The following FAM135B variants were observed in gnomAD, a reference collection of about 807,000 sequenced individuals.
The protein encoded by FAM135B is family with sequence similarity 135 member B.
FAM135B carries 43 observed loss-of-function variants against 127.7 expected under a neutral mutation model. That is an observed-to-expected ratio of 0.34 (90% CI 0.26 to 0.43). The LOEUF (loss-of-function observed/expected upper bound fraction) is 0.43. FAM135B is among the 20% of genes least tolerant of loss of function. The pLI, the probability that FAM135B is intolerant of heterozygous loss-of-function variation, is 1.00. For missense variants in FAM135B, 1,558 were observed against 1,725.6 expected, an observed-to-expected ratio of 0.90 and a Z score of 1.72; for synonymous variants, 670 against 665.1, an observed-to-expected ratio of 1.01 and a Z score of -0.11.
intron 11 of FAM135B, among the ~76,000 whole-genome samples, chr8:138,173,398 TGA>T (rs571551466): frequency 7.5e-4 from 114 of 152,318 alleles, no homozygotes; most frequent in African/African-American, 2.3e-3. Context: ...AAGGAGGTTA[TGA>T]GTGTGGCCTC....
chr8:138,368,028 G>A (rs779418900), intron 1 of FAM135B, 26 bp from the exon 2 acceptor site: 1 of 1,534,786 alleles, frequency 6.5e-7, no homozygotes, highest in Non-Finnish European at 9.0e-7. Context: ...GAAATTAACA[G>A]TTTGAGATCA....
intron 1 of FAM135B, among the ~76,000 whole-genome samples, chr8:138,449,561 A>G (rs7018090): frequency 1 from 152,304 of 152,304 alleles, 76,152 homozygotes; most frequent in Non-Finnish European, 1. Flanking sequence ...CCACCACTCA[A>G]GGCCAAGACC....
intron 1 of FAM135B, among the ~76,000 whole-genome samples, chr8:138,463,226 T>C (rs541625624): frequency 1.3e-5 from 2 of 152,336 alleles, no homozygotes; most frequent in South Asian, 4.1e-4. Flanking sequence ...ATGGTAAGTA[T>C]CTTCAAATTC....
rs930962088 is a variant in FAM135B, at chr8:138,318,723, T to C, written c.78-7803A>G. On this transcript the variant is annotated intron_variant, in intron 2 of 19. Coordinates refer to ENST00000395297, the MANE Select transcript of FAM135B (RefSeq NM_015912.4). ...TGGCTGATTCCAAAGTGCTTTTGAA[T>C]TGTTTCTTAAAAGCCCTTGATGCTA... 6.6e-5 allele frequency among the ~76,000 whole-genome samples: 10 copies of C among 152,340 alleles called. No homozygotes were observed. In the South Asian group the frequency reaches 2.1e-3, roughly 32 times the overall value.
intron 3 of FAM135B, among the ~76,000 whole-genome samples, chr8:138,269,156 T>TC (rs926075313): frequency 8.1e-4 from 124 of 152,230 alleles, no homozygotes; most frequent in African/African-American, 2.9e-3. Flanking sequence ...TTTCTTCTTC[T>TC]CCCCCCACAA....
chr8:138,185,621 C>T (rs1364716366), intron 9 of FAM135B, among the ~76,000 whole-genome samples: 1 of 152,198 alleles, frequency 6.6e-6, no homozygotes, highest in African/African-American at 2.4e-5. Context: ...CTGTACTTAT[C>T]ATTAGTAGTC....
intron 1 of FAM135B, among the ~76,000 whole-genome samples, chr8:138,435,699 T>TA (rs1018439175): frequency 2.0e-5 from 3 of 152,072 alleles, no homozygotes; most frequent in Non-Finnish European, 4.4e-5. Context: ...TAAATATTTC[T>TA]AAAAAAAACA....
chr8:138,132,312 A>C lies in FAM135B; in HGVS notation c.*281T>G, dbSNP rs548812803. On this transcript the variant is annotated 3_prime_UTR_variant, in exon 20 of 20. Coordinates refer to ENST00000395297, the MANE Select transcript of FAM135B (RefSeq NM_015912.4). The surrounding 1 kb of genome is among the most constrained non-coding windows in gnomAD (Gnocchi z 4.5). ...AGCAAGGGGAGCTCACCAACTCCCAAGTATTCTGTTTATTCTCTCATATTT... is the reference window on the plus strand; with the variant it reads ...AGCAAGGGGAGCTCACCAACTCCCACGTATTCTGTTTATTCTCTCATATTT... The C allele has an allele frequency of 1.1e-5, 4 of 368,658 alleles. No homozygotes were observed. In the East Asian group the frequency reaches 2.3e-4, roughly 21 times the overall value. 22.8% of individuals were successfully genotyped at this position (368,658 alleles called of 1,614,324 possible).
chr8:138,377,213 A>C (rs986902081), intron 1 of FAM135B, among the ~76,000 whole-genome samples: 1 of 152,170 alleles, frequency 6.6e-6, no homozygotes, highest in African/African-American at 2.4e-5. Flanking sequence ...ATATATCAGC[A>C]TTTACTTTAT....
At chr8:138,448,533 T>A (rs556651716) in intron 1 of FAM135B, among the ~76,000 whole-genome samples, 4 of 152,210 alleles carry the variant, frequency 2.6e-5, no homozygotes, top group African/African-American at 9.6e-5. Flanking sequence ...TTCCAGCCTT[T>A]AGACTCAAAC....
rs148094355 is a variant in FAM135B at position 138,195,083 on chromosome 8, T to C, written c.873+175A>G. Among the ~76,000 whole-genome samples, 12 of 152,354 alleles carry C rather than the reference T, an allele frequency of 7.9e-5. No homozygotes were observed. In the East Asian group the frequency reaches 1.7e-3, roughly 22 times the overall value. ...AAATATCTAGCAAGGCACATACTTATAGAACACAGTGATGTAGGGTAACAG... is the reference window on the plus strand; with the variant it reads ...AAATATCTAGCAAGGCACATACTTACAGAACACAGTGATGTAGGGTAACAG... On this transcript the variant is annotated intron_variant, in intron 9 of 19. Coordinates refer to ENST00000395297, the MANE Select transcript of FAM135B (RefSeq NM_015912.4).
intron 6 of FAM135B, among the ~76,000 whole-genome samples, chr8:138,248,112 T>C (rs1489097595): frequency 6.6e-6 from 1 of 152,214 alleles, no homozygotes; most frequent in African/African-American, 2.4e-5. Flanking sequence ...GGCTTTTACA[T>C]GTGCTGTCTC....
intron 13 of FAM135B, 75 bp from the exon 14 acceptor site, chr8:138,148,761 G>T (rs1817863078): frequency 8.5e-7 from 1 of 1,181,968 alleles, no homozygotes; most frequent in Non-Finnish European, 1.2e-6. Flanking sequence ...GGGCTGGTAT[G>T]TAGAAGGGCT....
intron 12 of FAM135B, among the ~76,000 whole-genome samples, chr8:138,160,901 T>C (rs181544356): frequency 2.0e-5 from 3 of 152,184 alleles, no homozygotes; most frequent in East Asian, 3.9e-4. Context: ...TTATGCACAA[T>C]ACTTACAGAG....
intron 2 of FAM135B, among the ~76,000 whole-genome samples, chr8:138,365,185 G>A (rs1830664624): frequency 6.6e-6 from 1 of 152,126 alleles, no homozygotes; most frequent in African/African-American, 2.4e-5. Flanking sequence ...AAACATTAGA[G>A]TGGTTCCAAG....
intron 4 of FAM135B, among the ~76,000 whole-genome samples, chr8:138,260,911 G>T (rs1380963137): frequency 6.6e-6 from 1 of 152,038 alleles, no homozygotes; most frequent in Non-Finnish European, 1.5e-5. Context: ...GAGTCTCTGT[G>T]GCTCTCCGTG....
At chr8:138,197,946 A>G (rs1315476121) in intron 7 of FAM135B, among the ~76,000 whole-genome samples, 1 of 152,204 alleles carries the variant, frequency 6.6e-6, no homozygotes, top group Non-Finnish European at 1.5e-5. Flanking sequence ...TAAAATAGCA[A>G]CAATAATAAC....
intron 1 of FAM135B, among the ~76,000 whole-genome samples, chr8:138,471,863 A>C (rs1042349625): frequency 6.6e-6 from 1 of 152,176 alleles, no homozygotes; most frequent in Non-Finnish European, 1.5e-5. Context: ...GTATTATATG[A>C]CAGATAGGAG....
chr8:138,449,063 T>C (rs1284328797), intron 1 of FAM135B, among the ~76,000 whole-genome samples: 4 of 152,188 alleles, frequency 2.6e-5, no homozygotes, highest in Non-Finnish European at 5.9e-5. Flanking sequence ...ATGTTTACTA[T>C]AAATAAATTG....
Sources: allele counts gnomAD v4.1 joint callset (sites outside exome capture counted in the v4.1 genomes callset), GRCh38; gene constraint gnomAD v4.1.1; non-coding constraint Gnocchi (gnomAD v3.1); transcripts MANE v1.5; gene names NCBI Gene and HGNC (gene_info 2026-07-23, HGNC 2026-07-21).